Variants in RSRP1 observed in about 807,000 individuals in gnomAD.
The protein encoded by RSRP1 is arginine/serine-rich protein 1.
Under a neutral mutation model 33.0 loss-of-function variants are expected in RSRP1, and 37 were observed. The observed-to-expected ratio is 1.12, with a 90% CI of 0.86 to 1.48. The LOEUF (loss-of-function observed/expected upper bound fraction) is 1.48. Ranked by LOEUF, RSRP1 falls within the 40% of genes most tolerant of loss-of-function variation. RSRP1 has a pLI of 0.00. For synonymous variants in RSRP1, 167 were observed against 158.7 expected, an observed-to-expected ratio of 1.05 and a Z score of -0.40; for missense variants, 402 against 385.3, an observed-to-expected ratio of 1.04 and a Z score of -0.36.
intron 1 of RSRP1, among the ~76,000 whole-genome samples, chr1:25,321,612 G>A (rs1644708688): frequency 7.9e-6 from 1 of 126,532 alleles, no homozygotes; most frequent in Admixed American, 7.9e-5. Flanking sequence ...AGAGGCTGCA[G>A]TGAGCCGAGA....
At chr1:25,284,741 T>G in intron 1 of RSRP1, 1 of 1,388,660 alleles carries the variant, frequency 7.2e-7, no homozygotes, top group South Asian at 1.2e-5. Context: ...TCTGGGAAGG[T>G]GGTCATCACA....
chr1:25,301,523 C>T (rs1643384618), intron 1 of RSRP1: 1 of 1,378,126 alleles, frequency 7.3e-7, no homozygotes, highest in Non-Finnish European at 1.0e-6. Context: ...CCCCCAGGCG[C>T]CCTCTTCTTG....
chr1:25,312,920 T>TAA lies in RSRP1; in HGVS notation c.-67+25056_-67+25057dup, dbSNP rs58027687. ...GGATGATAGAGCAAAATCCCATCTC[T>TAA]AAAAAAAAAAAAAAAAAAAAAAAAA... On this transcript the variant is annotated intron_variant, in intron 1 of 1. Coordinates refer to the RSRP1 transcript ENST00000561867. Among the ~76,000 whole-genome samples, 9 of 6,856 alleles carry TAA rather than the reference T, an allele frequency of 1.3e-3. 1 individual carries two copies. The highest frequency in any genetic ancestry group is 0.011 in the South Asian group (2 of 184). The allele number at this position is 6,856 out of a possible 152,430, so 4.5% of individuals were successfully genotyped here.
rs553801824 is a variant in RSRP1 at position 25,331,896 on chromosome 1, C to T, written c.-67+6082G>A. Among the ~76,000 whole-genome samples the T allele has an allele frequency of 1.4e-4, 18 of 128,604 alleles. 3 individuals carry two copies. The South Asian group carries it at 2.6e-3, about 19-fold the overall frequency. 84.4% of individuals were successfully genotyped at this position (128,604 alleles called of 152,430 possible). A position where few individuals can be genotyped will look rare whatever the true frequency, so the allele number is the denominator to read the frequency against. ...CTGGGACTACAGGCGCCCGCCACTA[C>T]GCCCGGCTAACTTTTTTGTATTTTT... On this transcript the variant is annotated intron_variant, in intron 1 of 1. Transcript: ENST00000561867.
In RSRP1 at chr1:25,279,010, C is replaced by T. The variant is rs529116956; in HGVS notation, c.-66-31981G>A. Reference sequence around the variant, plus strand: ...GGGTGTGACTTCAGAGCTGTTGGTGCTGAAGTTTCTGCAGGCCAGAAGGAG... The same window carrying T: ...GGGTGTGACTTCAGAGCTGTTGGTGTTGAAGTTTCTGCAGGCCAGAAGGAG... On this transcript the variant is annotated intron_variant, in intron 1 of 1. Coordinates refer to the RSRP1 transcript ENST00000561867. 3.6e-4 allele frequency among the ~76,000 whole-genome samples: 47 copies of T among 129,804 alleles called. 8 individuals are homozygous for T. The highest frequency in any genetic ancestry group is 1.2e-3 in the African/African-American group (45 of 37,554). The allele number at this position is 129,804 out of a possible 152,430, so 85.2% of individuals were successfully genotyped here.
At chr1:25,242,918 CCT>C (rs1638978187) in intron 4 of RSRP1, among the ~76,000 whole-genome samples, 1 of 152,074 alleles carries the variant, frequency 6.6e-6, no homozygotes, top group African/African-American at 2.4e-5. Context: ...ATGGTGAAAC[CCT>C]GTCTCCTAAA....
intron 1 of RSRP1, among the ~76,000 whole-genome samples, chr1:25,287,735 T>A: frequency 7.4e-6 from 1 of 135,494 alleles, no homozygotes; most frequent in East Asian, 1.9e-4. Flanking sequence ...TTATTTATTT[T>A]TTTAGAGACA....
chr1:25,288,184 A>C (rs1234313613), intron 1 of RSRP1, among the ~76,000 whole-genome samples: 1 of 129,270 alleles, frequency 7.7e-6, no homozygotes, highest in Admixed American at 7.5e-5. Context: ...CGCCTAGCTG[A>C]TTTTTCTATT....
At position 25,329,489 on chromosome 1, in the gene RSRP1, C is replaced by T. The variant is rs147810784; in HGVS notation, c.-67+8489G>A. On this transcript the variant is annotated intron_variant, in intron 1 of 1. Coordinates refer to the RSRP1 transcript ENST00000561867. ...AACTCCTGACCTCAAGTGATCTGCC[C>T]GCCTCGGCCTCCCAAAGTGCTGGAA... 1,812 of 205,138 alleles carry T rather than the reference C, an allele frequency of 8.8e-3. 236 individuals carry two copies. The highest frequency in any genetic ancestry group is 0.042 in the African/African-American group (1,647 of 39,588). The allele number at this position is 205,138 out of a possible 1,614,324, so 12.7% of individuals were successfully genotyped here.
chr1:25,263,010 G>A (rs1640205207), intron 1 of RSRP1, among the ~76,000 whole-genome samples: 1 of 152,188 alleles, frequency 6.6e-6, no homozygotes, highest in Non-Finnish European at 1.5e-5. Context: ...TAAGGAGAAA[G>A]AAGACAACTT....
chr1:25,274,224 A>T (rs1202907111), intron 1 of RSRP1, among the ~76,000 whole-genome samples: 1 of 132,050 alleles, frequency 7.6e-6, no homozygotes. Flanking sequence ...ATATGAGGAA[A>T]CTAGGCATAT....
rs552643324 is a variant in RSRP1, at chr1:25,291,549, G to C, written c.-66-44520C>G. ...AAATGAGTTTACAAAAATGTGGTCT[G>C]TGCAAATGTTTAAACACAACAAACC... On this transcript the variant is annotated intron_variant, in intron 1 of 1. Coordinates refer to the RSRP1 transcript ENST00000561867. 4.5e-5 allele frequency among the ~76,000 whole-genome samples: 6 copies of C among 132,620 alleles called. 2 individuals are homozygous for C. Among genetic ancestry groups the C allele is most frequent in the Admixed American group, 2.2e-4 (3 of 13,674 alleles). The allele number at this position is 132,620 out of a possible 152,430, so 87.0% of individuals were successfully genotyped here. A position where few individuals can be genotyped will look rare whatever the true frequency, so the allele number is the denominator to read the frequency against.
intron 1 of RSRP1, among the ~76,000 whole-genome samples, chr1:25,257,274 T>A (rs1639978288): frequency 6.6e-6 from 1 of 152,082 alleles, no homozygotes; most frequent in Admixed American, 6.6e-5. Flanking sequence ...ATAATTAAGG[T>A]TTTAATTTAT....
intron 1 of RSRP1, among the ~76,000 whole-genome samples, chr1:25,313,299 C>G (rs1381321376): frequency 7.6e-6 from 1 of 131,906 alleles, no homozygotes; most frequent in Non-Finnish European, 1.8e-5. Context: ...CTTGGACTTC[C>G]CAGCCTCCAG....
chr1:25,259,377 G>C (rs1428358547), intron 1 of RSRP1, among the ~76,000 whole-genome samples: 6 of 152,116 alleles, frequency 3.9e-5, no homozygotes, highest in African/African-American at 1.4e-4. Context: ...ATAGGCCTGA[G>C]CCACTGTGCC....
At position 25,306,701 on chromosome 1, in the gene RSRP1, C is replaced by T. The variant is rs1643867896; in HGVS notation, c.-67+31277G>A. 3 of 1,378,436 alleles carry T rather than the reference C, an allele frequency of 2.2e-6. 1 individual carries two copies. Among genetic ancestry groups the T allele is most frequent in the African/African-American group, 1.4e-5 (1 of 69,946 alleles). The allele number at this position is 1,378,436 out of a possible 1,614,324, so 85.4% of individuals were successfully genotyped here. The stretch of plus-strand genomic sequence containing the variant: ...GATCATCTACATTGTGCTGCTGGTG[C>T]TTGATACCGTCGGAGCCGGCAATGG... On this transcript the variant is annotated intron_variant, in intron 1 of 1. Transcript: ENST00000561867.
chr1:25,288,675 A>G (rs1178671908), intron 1 of RSRP1, among the ~76,000 whole-genome samples: 1 of 127,898 alleles, frequency 7.8e-6, no homozygotes, highest in East Asian at 2.0e-4. Context: ...GCCCAGGATC[A>G]CACAGCCAGA....
Position 25,301,763 on chromosome 1 carries a change from A to T in RSRP1, c.-67+36215T>A, listed in dbSNP as rs1364159761. On this transcript the variant is annotated intron_variant, in intron 1 of 1. Coordinates refer to the RSRP1 transcript ENST00000561867. ...ACATATTTATGCCCCTCCCCACCCC[A>T]GGGCCAGCGTGGGTTGGGAGAGGGC... The T allele has an allele frequency of 1.0e-5, 11 of 1,062,772 alleles. No individual in the cohort carries two copies. The Admixed American group carries it at 2.0e-4, about 19-fold the overall frequency. 65.8% of individuals were successfully genotyped at this position (1,062,772 alleles called of 1,614,324 possible).
chr1:25,293,702 T>C lies in RSRP1; in HGVS notation c.-67+44276A>G, dbSNP rs574784427. ...GTAACCATCAGTAGGTGGTATCTAC[T>C]GACTAGAGAGGGAAGTTTTTGAAAA... On this transcript the variant is annotated intron_variant, in intron 1 of 1. Coordinates refer to the RSRP1 transcript ENST00000561867. Among the ~76,000 whole-genome samples, 683 of 131,852 alleles carry C rather than the reference T, an allele frequency of 5.2e-3. 168 individuals carry two copies. Among genetic ancestry groups the C allele is most frequent in the Non-Finnish European group, 9.6e-3 (536 of 55,816 alleles). The allele number at this position is 131,852 out of a possible 152,430, so 86.5% of individuals were successfully genotyped here.
Sources: gnomAD v4.1 joint callset for allele counts (sites outside exome capture counted in the v4.1 genomes callset) on GRCh38, gnomAD v4.1.1 for gene constraint, MANE v1.5 for transcripts, NCBI Gene and HGNC (gene_info 2026-07-23, HGNC 2026-07-21) for gene names.